The following GTF2H4 variants were observed in gnomAD, a reference collection of about 807,000 sequenced individuals.
GTF2H4 encodes BTF2 p52.
In GTF2H4, 49 loss-of-function variants were observed where a neutral mutation model predicts 62.2. The observed-to-expected ratio is 0.79, with a 90% CI of 0.63 to 1.00. GTF2H4 has a LOEUF of 1.00. GTF2H4 is among the 50% of genes least tolerant of loss of function. The probability of loss-of-function intolerance (pLI) is 0.00; values close to 1 mark genes in which losing one functional copy is unlikely to be tolerated. For missense variants in GTF2H4, 479 were observed against 587.8 expected (o/e 0.81, Z 1.91); for synonymous variants, 189 against 233.8 (o/e 0.81, Z 1.75).
In GTF2H4 at chr6:30,910,803, CT is replaced by C; in HGVS notation, c.471+44del. ...GTGTGTGTCTCTGCTTGTGCTTCTA[CT>C]TCCCATGGCCCTTGGGGCATGGTCT... On this transcript the variant is annotated intron_variant, in intron 5 of 13. Coordinates refer to ENST00000259895, the MANE Select transcript of GTF2H4 (RefSeq NM_001517.5). This position sits in a 1 kb window ranked among gnomAD's most constrained non-coding sequence, Gnocchi z 4.7. 1 of 1,602,244 alleles carries C rather than the reference CT, an allele frequency of 6.2e-7. No homozygotes were observed.
chr6:30,913,096 G>A lies in GTF2H4; in HGVS notation c.1090-14G>A, dbSNP rs948534922. 1.9e-6 allele frequency: 3 copies of A among 1,613,932 alleles called. No individual in the cohort carries two copies. The highest frequency in any genetic ancestry group is 2.7e-5 in the African/African-American group (2 of 75,012). On this transcript the variant is annotated splice_polypyrimidine_tract_variant and intron_variant, in intron 11 of 13. Transcript: ENST00000259895. This position sits in a 1 kb window ranked among gnomAD's most constrained non-coding sequence, Gnocchi z 4.2. ...TTGCTGGAGCCCTCATGCCATTCTT[G>A]TCTGTTTTCCTAGATAATCCATTTC...
Position 30,909,469 on chromosome 6 carries a change from C to T in GTF2H4, c.172C>T (p.Arg58Trp), listed in dbSNP as rs1209029702. The change falls in exon 3 of 14, where the codon CGG becomes TGG. Residue 58 changes from arginine to tryptophan, a missense_variant. Arg to Trp is a moderately radical substitution (Grantham distance 101). Coordinates refer to ENST00000259895, the MANE Select transcript of GTF2H4 (RefSeq NM_001517.5). This position sits in a 1 kb window ranked among gnomAD's most constrained non-coding sequence, Gnocchi z 4.3. Reference sequence around the variant, plus strand: ...ATCCTTGGCTAAGAACTGGGTGATGCGGATGCTCTTTCTGGAGCAGCCTTT... The same window carrying T: ...ATCCTTGGCTAAGAACTGGGTGATGTGGATGCTCTTTCTGGAGCAGCCTTT... ...LPSLAKNWVMRMLFLEQPLPQ... is the reference protein window; with the variant it reads ...LPSLAKNWVMWMLFLEQPLPQ... 3.0e-5 allele frequency: 48 copies of T among 1,612,448 alleles called. No individual in the cohort carries two copies. Among genetic ancestry groups the T allele is most frequent in the Admixed American group, 1.3e-4 (8 of 59,982 alleles).
In GTF2H4 at chr6:30,912,227, C is replaced by A; in HGVS notation, c.958+81C>A. On this transcript the variant is annotated intron_variant, in intron 10 of 13. Coordinates refer to ENST00000259895, the MANE Select transcript of GTF2H4 (RefSeq NM_001517.5). This position sits in a 1 kb window ranked among gnomAD's most constrained non-coding sequence, Gnocchi z 4.8. ...TTTATGTTCGTGTTTACCTGGCAGT[C>A]TACAGAGCTCTCTGACATTTCTCAT... 1 of 1,600,744 alleles carries A rather than the reference C, an allele frequency of 6.2e-7. No homozygotes were observed. Among genetic ancestry groups the A allele is most frequent in the Non-Finnish European group, 8.5e-7 (1 of 1,172,200 alleles).
rs750310215 is a variant in GTF2H4 at position 30,909,970 on chromosome 6, G to A, written c.281G>A (p.Arg94Gln). ...AGTACAGGGCTGCTGAGCGGCCTCC[G>A]GATCTGGCACACACAGCTGCTCCCA... ...EESTGLLSGL[R>Q]IWHTQLLPGG... The change falls in exon 4 of 14, where the codon CGG becomes CAG. Residue 94 changes from arginine (R) to glutamine (Q), a missense_variant. By Grantham distance (43) the Arg-to-Gln change is conservative. Coordinates refer to ENST00000259895, the MANE Select transcript of GTF2H4 (RefSeq NM_001517.5). This position sits in a 1 kb window ranked among gnomAD's most constrained non-coding sequence, Gnocchi z 4.3. The A allele has an allele frequency of 1.4e-5, 23 of 1,612,816 alleles. No homozygotes were observed. The highest frequency in any genetic ancestry group is 2.7e-5 in the African/African-American group (2 of 74,886).
At position 30,910,764 on chromosome 6, in the gene GTF2H4, A is replaced by G; in HGVS notation, c.471+3A>G. On this transcript the variant is annotated splice_donor_region_variant and intron_variant, in intron 5 of 13. Transcript: ENST00000259895. This position sits in a 1 kb window ranked among gnomAD's most constrained non-coding sequence, Gnocchi z 4.7. ...AGTACGCCGAGGAGCGATGGGAGGT[A>G]AGCACTTGGGAGTGTGTGTGTCTCT... 6.2e-7 allele frequency: 1 copy of G among 1,611,424 alleles called. No individual in the cohort carries two copies. Among genetic ancestry groups the G allele is most frequent in the Non-Finnish European group, 8.5e-7 (1 of 1,178,684 alleles).
At position 30,914,059 on chromosome 6, in the gene GTF2H4, T is replaced by G; in HGVS notation, c.*76T>G. 2.2e-6 allele frequency: 3 copies of G among 1,345,240 alleles called. No homozygotes were observed. Among genetic ancestry groups the G allele is most frequent in the Non-Finnish European group, 3.0e-6 (3 of 997,010 alleles). The allele number at this position is 1,345,240 out of a possible 1,614,324, so 83.3% of individuals were successfully genotyped here. ...GGCATCAGAACTCAGGTGTTTTTTA[T>G]TTACGCGTCAGGGCTTTTCTTGTTT... On this transcript the variant is annotated 3_prime_UTR_variant, in exon 14 of 14. Transcript: ENST00000259895.
In GTF2H4 at chr6:30,911,130, C is replaced by A; in HGVS notation, c.561-28C>A. 6.5e-7 allele frequency: 1 copy of A among 1,539,640 alleles called. No homozygotes were observed. The highest frequency in any genetic ancestry group is 9.0e-7 in the Non-Finnish European group (1 of 1,113,112). ...GATAGTAGTCTTTCTCTGCATATCA[C>A]CATCATTGTCCTGGTCTTTGTCTCT... On this transcript the variant is annotated intron_variant, in intron 6 of 13. Coordinates refer to ENST00000259895, the MANE Select transcript of GTF2H4 (RefSeq NM_001517.5). The surrounding 1 kb of genome is among the most constrained non-coding windows in gnomAD (Gnocchi z 4.3).
chr6:30,912,873 T>C lies in GTF2H4; in HGVS notation c.1090-237T>C, dbSNP rs1030915869. On this transcript the variant is annotated intron_variant, in intron 11 of 13. Transcript: ENST00000259895. This position sits in a 1 kb window ranked among gnomAD's most constrained non-coding sequence, Gnocchi z 4.8. Reference sequence around the variant, plus strand: ...AAAAAGAAAATAGTAGCTGCTGCTATTTTAAAGAAAGAAAAACAAAACATT... The same window carrying C: ...AAAAAGAAAATAGTAGCTGCTGCTACTTTAAAGAAAGAAAAACAAAACATT... Among the ~76,000 whole-genome samples, 9 of 152,168 alleles carry C rather than the reference T, an allele frequency of 5.9e-5. No individual in the cohort carries two copies. Among genetic ancestry groups the C allele is most frequent in the African/African-American group, 2.2e-4 (9 of 41,434 alleles).
Position 30,912,595 on chromosome 6 carries a change from G to T in GTF2H4, c.1089+137G>T, listed in dbSNP as rs756781668. The stretch of plus-strand genomic sequence containing the variant: ...GAGTTGTCTGTGTTTGAAGAGAAAT[G>T]AAGGCTTTGGGTGTGAGAATAGGTA... On this transcript the variant is annotated intron_variant, in intron 11 of 13. Coordinates refer to ENST00000259895, the MANE Select transcript of GTF2H4 (RefSeq NM_001517.5). The surrounding 1 kb of genome is among the most constrained non-coding windows in gnomAD (Gnocchi z 4.8). The T allele has an allele frequency of 6.6e-5, 74 of 1,124,110 alleles. No individual in the cohort carries two copies. Among genetic ancestry groups the T allele is most frequent in the Non-Finnish European group, 9.0e-5 (71 of 790,292 alleles). The allele number at this position is 1,124,110 out of a possible 1,614,324, so 69.6% of individuals were successfully genotyped here.
In GTF2H4 at chr6:30,913,406, C is replaced by T; in HGVS notation, c.1216+19C>T. On this transcript the variant is annotated intron_variant, in intron 13 of 13. Coordinates refer to ENST00000259895, the MANE Select transcript of GTF2H4 (RefSeq NM_001517.5). The surrounding 1 kb of genome is among the most constrained non-coding windows in gnomAD (Gnocchi z 4.2). The stretch of plus-strand genomic sequence containing the variant: ...ACTGAGGGTGAGTAGCTTCTGGTGG[C>T]CAAGTCTTGGTCATTGGCCAGAGAA... 1 of 1,611,250 alleles carries T rather than the reference C, an allele frequency of 6.2e-7. No individual in the cohort carries two copies. The highest frequency in any genetic ancestry group is 8.5e-7 in the Non-Finnish European group (1 of 1,179,254).
chr6:30,913,324 C>T lies in GTF2H4; in HGVS notation c.1153C>T (p.Pro385Ser), dbSNP rs1046941375. The T allele has an allele frequency of 1.2e-6, 2 of 1,613,544 alleles. No individual in the cohort carries two copies. The highest frequency in any genetic ancestry group is 1.7e-6 in the Non-Finnish European group (2 of 1,180,004). ...CTCCTTGCAGACACCTGTGCTGCCC[C>T]CCACCATCACCGACCAGATCCGGCT... ...VMLKQTPVLP[P>S]TITDQIRLWE... Residue 385 changes from proline (P) to serine (S), a missense_variant, in exon 13 of 14, where the codon CCC becomes TCC. Coordinates refer to ENST00000259895, the MANE Select transcript of GTF2H4 (RefSeq NM_001517.5). The surrounding 1 kb of genome is among the most constrained non-coding windows in gnomAD (Gnocchi z 4.2).
chr6:30,911,699 G>C lies in GTF2H4; in HGVS notation c.757G>C (p.Gly253Arg), dbSNP rs372347282. 1.7e-5 allele frequency: 28 copies of C among 1,612,668 alleles called. No individual in the cohort carries two copies. Among genetic ancestry groups the C allele is most frequent in the Middle Eastern group, 3.3e-4 (2 of 6,084 alleles). Residue 253 changes from glycine (G) to arginine (R), a missense_variant, in exon 9 of 14, where the codon GGT becomes CGT. By Grantham distance (125) the Gly-to-Arg change is moderately radical. Coordinates refer to ENST00000259895, the MANE Select transcript of GTF2H4 (RefSeq NM_001517.5). This position sits in a 1 kb window ranked among gnomAD's most constrained non-coding sequence, Gnocchi z 4.3. Reference sequence around the variant, plus strand: ...TGTTCCTCAGGATTACTCTGTGGAAGGTATGAGTGATTCTCTGTTGAACTT... The same window carrying C: ...TGTTCCTCAGGATTACTCTGTGGAACGTATGAGTGATTCTCTGTTGAACTT... ...STLGKDYSVEGMSDSLLNFLQ... is the reference protein window; with the variant it reads ...STLGKDYSVERMSDSLLNFLQ...
Position 30,913,842 on chromosome 6 carries a change from G to A in GTF2H4, c.1248G>A (p.Val416=). The A allele has an allele frequency of 6.2e-7, 1 of 1,602,372 alleles. No individual in the cohort carries two copies. Among genetic ancestry groups the A allele is most frequent in the South Asian group, 1.1e-5 (1 of 90,124 alleles). The part of the protein sequence containing the change: ...GVLYNQFLSQ[V]DFELLLAHAR... ...TGTATAACCAGTTCCTGTCGCAAGT[G>A]GACTTTGAGCTGCTGCTGGCCCACG... Residue 416 remains valine, a synonymous_variant, in exon 14 of 14, where the codon GTG becomes GTA. Transcript: ENST00000259895. This position sits in a 1 kb window ranked among gnomAD's most constrained non-coding sequence, Gnocchi z 4.2.
rs181372679 is a variant in GTF2H4 at position 30,910,953 on chromosome 6, G to A, written c.560+12G>A. ...GGGCTCATGAAGAGGTGAGGAAGCC[G>A]GAGGTACAGCAGCTCTCTGCTGTGC... On this transcript the variant is annotated intron_variant, in intron 6 of 13. Coordinates refer to ENST00000259895, the MANE Select transcript of GTF2H4 (RefSeq NM_001517.5). This position sits in a 1 kb window ranked among gnomAD's most constrained non-coding sequence, Gnocchi z 4.7. 1.2e-5 allele frequency: 19 copies of A among 1,590,204 alleles called. No individual in the cohort carries two copies. In the East Asian group the frequency reaches 2.5e-4, roughly 21 times the overall value.
chr6:30,911,279 C>T lies in GTF2H4; in HGVS notation c.672+10C>T. ...TTTGCAGACAGCCCAGGTGAGGAGG[C>T]AGGGCCACTTAACCAGCATGCTCTG... On this transcript the variant is annotated intron_variant, in intron 7 of 13. Transcript: ENST00000259895. This position sits in a 1 kb window ranked among gnomAD's most constrained non-coding sequence, Gnocchi z 4.3. 1 of 1,598,806 alleles carries T rather than the reference C, an allele frequency of 6.3e-7. No individual in the cohort carries two copies.
chr6:30,912,958 G>T lies in GTF2H4; in HGVS notation c.1090-152G>T. 1 of 658,132 alleles carries T rather than the reference G, an allele frequency of 1.5e-6. No individual in the cohort carries two copies. Among genetic ancestry groups the T allele is most frequent in the East Asian group, 2.8e-5 (1 of 35,838 alleles). The allele number at this position is 658,132 out of a possible 1,614,324, so 40.8% of individuals were successfully genotyped here. A position where few individuals can be genotyped will look rare whatever the true frequency, so the allele number is the denominator to read the frequency against. The stretch of plus-strand genomic sequence containing the variant: ...CCCACGTTGCTGGGAGCAGCAACGT[G>T]GGATAACAGCTGAACTGGGATGGGT... On this transcript the variant is annotated intron_variant, in intron 11 of 13. Coordinates refer to ENST00000259895, the MANE Select transcript of GTF2H4 (RefSeq NM_001517.5). The surrounding 1 kb of genome is among the most constrained non-coding windows in gnomAD (Gnocchi z 4.8).
In GTF2H4 at chr6:30,910,744, G is replaced by T. The variant is rs1349762927; in HGVS notation, c.454G>T (p.Ala152Ser). Residue 152 changes from alanine to serine, a missense_variant, in exon 5 of 14, where the codon GCC (alanine) becomes TCC (serine). Ala to Ser is a moderately conservative substitution (Grantham distance 99). Transcript: ENST00000259895. The surrounding 1 kb of genome is among the most constrained non-coding windows in gnomAD (Gnocchi z 4.7). ...GGACGTTCCCTCCCTTGACAAGTAC[G>T]CCGAGGAGCGATGGGAGGTAAGCAC... ...ARDVPSLDKY[A>S]EERWEVVLHF... is the part of the protein sequence containing the mutation. 6.2e-7 allele frequency: 1 copy of T among 1,612,584 alleles called. No individual in the cohort carries two copies. The highest frequency in any genetic ancestry group is 2.2e-5 in the East Asian group (1 of 44,884).
chr6:30,913,882 G>T lies in GTF2H4; in HGVS notation c.1288G>T (p.Val430Leu). 2.5e-6 allele frequency: 4 copies of T among 1,609,586 alleles called. No individual in the cohort carries two copies. The highest frequency in any genetic ancestry group is 3.4e-6 in the Non-Finnish European group (4 of 1,178,486). The change falls in exon 14 of 14, where the codon GTG becomes TTG. Residue 430 changes from valine to leucine, a missense_variant. Coordinates refer to ENST00000259895, the MANE Select transcript of GTF2H4 (RefSeq NM_001517.5). The surrounding 1 kb of genome is among the most constrained non-coding windows in gnomAD (Gnocchi z 4.2). ...GCTGGCCCACGCGCGGGAGCTGGGC[G>T]TGCTCGTGTTCGAGAACTCGGCCAA... is the stretch of plus-strand genomic sequence containing the variant. Reference protein sequence around the residue: ...LLLAHARELGVLVFENSAKRL... With the variant: ...LLLAHARELGLLVFENSAKRL...
chr6:30,910,216 T>G lies in GTF2H4; in HGVS notation c.374+153T>G, dbSNP rs1315155669. ...TCCTTTAGGAGTAAGTTGGACCAGA[T>G]GTAGTGTGTGGTGTAGGAAATGTCC... is the stretch of plus-strand genomic sequence containing the variant. On this transcript the variant is annotated intron_variant, in intron 4 of 13. Coordinates refer to ENST00000259895, the MANE Select transcript of GTF2H4 (RefSeq NM_001517.5). The surrounding 1 kb of genome is among the most constrained non-coding windows in gnomAD (Gnocchi z 4.7). 6.6e-6 allele frequency among the ~76,000 whole-genome samples: 1 copy of G among 152,170 alleles called. No homozygotes were observed. The highest frequency in any genetic ancestry group is 1.5e-5 in the Non-Finnish European group (1 of 68,024).
Sources: gnomAD v4.1 joint callset for allele counts (sites outside exome capture counted in the v4.1 genomes callset) on GRCh38, gnomAD v4.1.1 for gene constraint, Gnocchi (gnomAD v3.1) non-coding constraint, MANE v1.5 for transcripts, NCBI Gene and HGNC (gene_info 2026-07-23, HGNC 2026-07-21) for gene names.